STXBP5: variants seen among roughly 807,000 people sequenced by gnomAD.
The protein encoded by STXBP5 is syntaxin-binding protein 5.
A neutral mutation model predicts 152.4 loss-of-function variants in STXBP5; 50 were observed. The observed-to-expected ratio is 0.33, with a 90% CI of 0.26 to 0.42. STXBP5 has a LOEUF of 0.42. Ranked by LOEUF, STXBP5 falls within the 10% of genes least tolerant of loss-of-function variation. The pLI is 1.00. For missense variants in STXBP5, 1,167 were observed against 1,388.6 expected, an observed-to-expected ratio of 0.84 and a Z score of 2.54; for synonymous variants, 492 against 494.7, an observed-to-expected ratio of 0.99 and a Z score of 0.07.
In STXBP5 at chr6:147,380,173, T is replaced by TACACACACAC. The variant is rs58343558; in HGVS notation, c.3194-2577_3194-2568dup. Among the ~76,000 whole-genome samples the TACACACACAC allele has an allele frequency of 5.8e-4, 83 of 143,148 alleles. 1 individual carries two copies. Among genetic ancestry groups the TACACACACAC allele is most frequent in the African/African-American group, 2.0e-3 (78 of 38,054 alleles). The allele number at this position is 143,148 out of a possible 152,430, so 93.9% of individuals were successfully genotyped here. A position where few individuals can be genotyped will look rare whatever the true frequency, so the allele number is the denominator to read the frequency against. On this transcript the variant is annotated intron_variant, in intron 26 of 27. Transcript: ENST00000321680. The stretch of plus-strand genomic sequence containing the variant: ...ATACAAAGAATTCAAAATAGCCACG[T>TACACACACAC]ACACACACACACACACACACACACA...
chr6:147,208,307 A>G (rs532867381), intron 2 of STXBP5, among the ~76,000 whole-genome samples: 1 of 152,256 alleles, frequency 6.6e-6, no homozygotes, highest in Admixed American at 6.5e-5. Flanking sequence ...TAAGTAGCAG[A>G]TGAGCTTATG....
Position 147,386,599 on chromosome 6 carries a change from A to G in STXBP5, c.*1844A>G, listed in dbSNP as rs931470546. On this transcript the variant is annotated 3_prime_UTR_variant, in exon 28 of 28. Transcript: ENST00000321680. ...GTTTTTGAATTTATAGAAAGCACCA[A>G]TGAATAACATATTTCTGTTTCGTTA... 3 of 151,890 alleles carry G rather than the reference A, an allele frequency of 2.0e-5. No individual in the cohort carries two copies. The highest frequency in any genetic ancestry group is 2.9e-5 in the Non-Finnish European group (2 of 67,802). The allele number at this position is 151,890 out of a possible 1,614,324, so 9.4% of individuals were successfully genotyped here. A position where few individuals can be genotyped will look rare whatever the true frequency, so the allele number is the denominator to read the frequency against.
At chr6:147,291,501 A>C (rs1781275193) in intron 9 of STXBP5, among the ~76,000 whole-genome samples, 1 of 152,142 alleles carries the variant, frequency 6.6e-6, no homozygotes, top group Non-Finnish European at 1.5e-5. Context: ...GAAGAAAAAA[A>C]GATTTAAAAT....
chr6:147,352,720 C>T (rs983862838), intron 21 of STXBP5, among the ~76,000 whole-genome samples: 1 of 152,212 alleles, frequency 6.6e-6, no homozygotes. Context: ...TTATCTGCAA[C>T]ACCTTTCTTC....
chr6:147,386,701 C>A lies in STXBP5; in HGVS notation c.*1946C>A, dbSNP rs571268610. 3 of 151,830 alleles carry A rather than the reference C, an allele frequency of 2.0e-5. No homozygotes were observed. Among genetic ancestry groups the A allele is most frequent in the Admixed American group, 2.0e-4 (3 of 15,222 alleles). The allele number at this position is 151,830 out of a possible 1,614,324, so 9.4% of individuals were successfully genotyped here. Reference sequence around the variant, plus strand: ...TCTATTATCCAGTAAACCCATAGTTCCATGATATGTCACAGGAATTGTTAG... The same window carrying A: ...TCTATTATCCAGTAAACCCATAGTTACATGATATGTCACAGGAATTGTTAG... On this transcript the variant is annotated 3_prime_UTR_variant, in exon 28 of 28. Transcript: ENST00000321680.
chr6:147,291,996 C>G lies in STXBP5; in HGVS notation c.917+824C>G, dbSNP rs201477540. Among the ~76,000 whole-genome samples the G allele has an allele frequency of 2.4e-4, 37 of 152,242 alleles. 1 individual carries two copies. In the East Asian group the frequency reaches 6.2e-3, roughly 25 times the overall value. ...CAGATTCTCAGATTCCACCCTAGATCTACTGAATCAAAAACTCTAGGGTCG... is the reference window on the plus strand; with the variant it reads ...CAGATTCTCAGATTCCACCCTAGATGTACTGAATCAAAAACTCTAGGGTCG... On this transcript the variant is annotated intron_variant, in intron 9 of 27. Coordinates refer to ENST00000321680, the MANE Select transcript of STXBP5 (RefSeq NM_001127715.4).
chr6:147,248,280 C>CAA (rs753458821), intron 4 of STXBP5, among the ~76,000 whole-genome samples: 12 of 52,538 alleles, frequency 2.3e-4, no homozygotes, highest in Admixed American at 4.2e-4. Flanking sequence ...GACTCCATCT[C>CAA]AAAAAAAAAA....
chr6:147,249,107 G>T (rs1481115222), intron 4 of STXBP5, among the ~76,000 whole-genome samples: 2 of 152,166 alleles, frequency 1.3e-5, no homozygotes, highest in Admixed American at 6.5e-5. Context: ...AAGGGAGGCA[G>T]GAATGCAGCA....
intron 7 of STXBP5, among the ~76,000 whole-genome samples, chr6:147,277,399 G>A (rs1375731074): frequency 6.6e-6 from 1 of 152,002 alleles, no homozygotes; most frequent in Admixed American, 6.6e-5. Context: ...AGGACGCATG[G>A]GAGAGTGATT....
chr6:147,230,138 C>T (rs1451711746), intron 2 of STXBP5, among the ~76,000 whole-genome samples: 6 of 151,876 alleles, frequency 4.0e-5, no homozygotes, highest in East Asian at 1.9e-4. Context: ...TGTATTCTAA[C>T]GTCGTGTATG....
intron 15 of STXBP5, 84 bp from the exon 16 acceptor site, chr6:147,316,145 A>G (rs1216825782): frequency 7.8e-7 from 1 of 1,274,358 alleles, no homozygotes; most frequent in African/African-American, 1.5e-5. Context: ...AGTTTATGTA[A>G]AGTGTGTGTG....
chr6:147,382,591 A>AAC (rs1442485779), intron 26 of STXBP5, among the ~76,000 whole-genome samples, 187 bp from the exon 27 acceptor site: 3 of 152,266 alleles, frequency 2.0e-5, no homozygotes, highest in South Asian at 2.1e-4. Context: ...GCATGTTTGA[A>AAC]AAAGTATCTA....
At chr6:147,230,508 C>T (rs1409265287) in intron 2 of STXBP5, among the ~76,000 whole-genome samples, 1 of 151,790 alleles carries the variant, frequency 6.6e-6, no homozygotes, top group Non-Finnish European at 1.5e-5. Context: ...TACATTTGGT[C>T]TAGTTTTATA....
intron 9 of STXBP5, among the ~76,000 whole-genome samples, 177 bp downstream of exon 9, chr6:147,291,349 T>C (rs1781267429): frequency 6.6e-6 from 1 of 152,170 alleles, no homozygotes; most frequent in South Asian, 2.1e-4. Flanking sequence ...TAAAATACTT[T>C]TTTGTGTTCT....
In STXBP5 at chr6:147,353,378, GTAAAA is replaced by G. The variant is rs1297175955; in HGVS notation, c.2305+10_2305+14del. The G allele has an allele frequency of 5.1e-6, 8 of 1,555,844 alleles. No individual in the cohort carries two copies. Among genetic ancestry groups the G allele is most frequent in the African/African-American group, 1.4e-5 (1 of 72,270 alleles). On this transcript the variant is annotated splice_donor_region_variant and intron_variant, in intron 22 of 27. Coordinates refer to ENST00000321680, the MANE Select transcript of STXBP5 (RefSeq NM_001127715.4). The stretch of plus-strand genomic sequence containing the variant: ...CTGACCTAAAGCCTGATTTAGGTAA[GTAAAA>G]TAAATATTCAAAATAATTTAACTCC...
intron 16 of STXBP5, among the ~76,000 whole-genome samples, chr6:147,317,200 A>G (rs1254595482): frequency 1.3e-5 from 2 of 152,180 alleles, no homozygotes; most frequent in Admixed American, 6.5e-5. Flanking sequence ...CATTTATTAA[A>G]AGGACCAGGC....
intron 8 of STXBP5, among the ~76,000 whole-genome samples, chr6:147,287,834 T>C (rs1030917076): frequency 1.3e-5 from 2 of 152,240 alleles, no homozygotes; most frequent in Admixed American, 6.5e-5. Flanking sequence ...TTATTATTTC[T>C]AATAAATGTT....
intron 2 of STXBP5, among the ~76,000 whole-genome samples, chr6:147,221,651 G>A (rs1056400405): frequency 7.3e-5 from 11 of 150,724 alleles, no homozygotes; most frequent in Middle Eastern, 3.4e-3. Context: ...CACCTCTGTT[G>A]GTAAGGGGTT....
At chr6:147,225,392 A>G (rs1405410191) in intron 2 of STXBP5, among the ~76,000 whole-genome samples, 1 of 152,156 alleles carries the variant, frequency 6.6e-6, no homozygotes, top group Non-Finnish European at 1.5e-5. Context: ...ACAGTTCTCC[A>G]GTTGCTTTCT....
Sources: allele counts gnomAD v4.1 joint callset (sites outside exome capture counted in the v4.1 genomes callset), GRCh38; gene constraint gnomAD v4.1.1; transcripts MANE v1.5; gene names NCBI Gene and HGNC (gene_info 2026-07-23, HGNC 2026-07-21).